Variants in TASP1 observed in about 807,000 individuals in gnomAD.
The protein encoded by TASP1 is threonine aspartase 1.
Under a neutral mutation model 56.6 loss-of-function variants are expected in TASP1, and 16 were observed. The ratio of observed to expected loss-of-function variants is 0.28; its 90% CI spans 0.19 to 0.43. The LOEUF is 0.43. Ranked by LOEUF, TASP1 falls within the 20% of genes least tolerant of loss-of-function variation. TASP1 has a pLI of 1.00. For synonymous variants in TASP1, 179 were observed against 184.2 expected (o/e 0.97, Z 0.23); for missense variants, 393 against 511.6 (o/e 0.77, Z 2.24).
At chr20:13,145,101 T>A in the TASP1 span, among the ~76,000 whole-genome samples, 1 of 151,980 alleles carries the variant, frequency 6.6e-6, no homozygotes. Flanking sequence ...GAAAAAAAAA[T>A]TCTAGAAACC....
At chr20:13,135,356 A>G in the TASP1 span, among the ~76,000 whole-genome samples, 1 of 152,210 alleles carries the variant, frequency 6.6e-6, no homozygotes, top group African/African-American at 2.4e-5. Context: ...TACTTAACTC[A>G]TGCTATAACA....
At chr20:13,513,699 T>G (rs2044422639) in intron 10 of TASP1, among the ~76,000 whole-genome samples, 1 of 152,122 alleles carries the variant, frequency 6.6e-6, no homozygotes, top group African/African-American at 2.4e-5. Flanking sequence ...GACAAACCTG[T>G]GCAATTCCCA....
At chr20:13,174,033 A>G in the TASP1 span, among the ~76,000 whole-genome samples, 3 of 152,174 alleles carry the variant, frequency 2.0e-5, no homozygotes, top group African/African-American at 7.2e-5. Flanking sequence ...AGCCACTAAA[A>G]ATAACAGTGT....
At chr20:13,213,414 CA>C in the TASP1 span, among the ~76,000 whole-genome samples, 1 of 151,580 alleles carries the variant, frequency 6.6e-6, no homozygotes, top group South Asian at 2.1e-4. Flanking sequence ...ACAAAGTGAA[CA>C]AAAAAAAGAA....
chr20:13,120,050 T>C, the TASP1 span, among the ~76,000 whole-genome samples: 1 of 152,254 alleles, frequency 6.6e-6, no homozygotes, highest in Admixed American at 6.5e-5. Flanking sequence ...AAGTCAAACA[T>C]ATATTTTATT....
At chr20:13,570,092 A>G (rs984703530) in intron 6 of TASP1, among the ~76,000 whole-genome samples, 1 of 152,098 alleles carries the variant, frequency 6.6e-6, no homozygotes, top group Admixed American at 6.5e-5. Flanking sequence ...ATACATACAT[A>G]ACCTTCAGAA....
chr20:13,617,235 A>G, intron 4 of TASP1: 1 of 232,004 alleles, frequency 4.3e-6, no homozygotes, highest in Non-Finnish European at 8.8e-6. Flanking sequence ...CAGGCAAAAT[A>G]GGGTCTTTGA....
chr20:13,240,978 C>A, the TASP1 span, among the ~76,000 whole-genome samples: 3 of 152,108 alleles, frequency 2.0e-5, no homozygotes, highest in East Asian at 5.8e-4. Flanking sequence ...GTGAAGTGGA[C>A]AGGGAGCTGA....
chr20:13,167,033 T>C, the TASP1 span: 1 of 152,182 alleles, frequency 6.6e-6, no homozygotes, highest in African/African-American at 2.4e-5. Context: ...AGAGTCCATG[T>C]TGAATATACA....
chr20:13,465,860 G>A (rs2044235127), intron 11 of TASP1, among the ~76,000 whole-genome samples: 1 of 152,056 alleles, frequency 6.6e-6, no homozygotes, highest in African/African-American at 2.4e-5. Flanking sequence ...TGATAGTCAG[G>A]TGATGTGGTT....
At chr20:13,305,666 A>G in the TASP1 span, among the ~76,000 whole-genome samples, 1 of 152,214 alleles carries the variant, frequency 6.6e-6, no homozygotes, top group African/African-American at 2.4e-5. Flanking sequence ...TAAGGCAGAA[A>G]GTTTACAGCC....
chr20:13,604,227 C>G (rs1240469361), intron 4 of TASP1, among the ~76,000 whole-genome samples: 1 of 152,136 alleles, frequency 6.6e-6, no homozygotes, highest in African/African-American at 2.4e-5. Flanking sequence ...TGACCTCCAA[C>G]GTTGGAGGTG....
At chr20:13,110,125 A>C in the TASP1 span, 17 of 1,612,120 alleles carry the variant, frequency 1.1e-5, no homozygotes, top group South Asian at 2.2e-5. Flanking sequence ...CACAAAGCCT[A>C]GAGAAGCTCC....
chr20:13,507,937 T>C (rs1405957373), intron 10 of TASP1, among the ~76,000 whole-genome samples: 1 of 152,066 alleles, frequency 6.6e-6, no homozygotes, highest in Non-Finnish European at 1.5e-5. Context: ...ACATACGCAG[T>C]CAACTAATCT....
chr20:13,523,783 G>A (rs1024729354), intron 10 of TASP1, among the ~76,000 whole-genome samples: 4 of 152,102 alleles, frequency 2.6e-5, no homozygotes, highest in African/African-American at 9.7e-5. Flanking sequence ...TGGCCTCACA[G>A]CAGAAACAAG....
chr20:13,240,801 G>A, the TASP1 span, among the ~76,000 whole-genome samples: 2 of 152,162 alleles, frequency 1.3e-5, no homozygotes, highest in African/African-American at 4.8e-5. Context: ...TTCTGAGACA[G>A]AGCCAACAGG....
At chr20:13,366,216 C>T in the TASP1 span, among the ~76,000 whole-genome samples, 1 of 152,094 alleles carries the variant, frequency 6.6e-6, no homozygotes, top group Non-Finnish European at 1.5e-5. Context: ...TCAGGCTGGA[C>T]ATTTGGGAGG....
rs192790957 is a variant in TASP1, at chr20:13,419,659, G to C, written c.1097-2138C>G. Among the ~76,000 whole-genome samples, 9 of 152,292 alleles carry C rather than the reference G, an allele frequency of 5.9e-5. No individual in the cohort carries two copies. In the East Asian group the frequency reaches 1.7e-3, roughly 29 times the overall value. On this transcript the variant is annotated intron_variant, in intron 12 of 13. Transcript: ENST00000337743. Reference sequence around the variant, plus strand: ...TTATATCTCTAAGCTAGTTAAGCCTGGAGACAAGTGTTTGAGTTGAGACCC... The same window carrying C: ...TTATATCTCTAAGCTAGTTAAGCCTCGAGACAAGTGTTTGAGTTGAGACCC...
chr20:13,294,038 G>A, the TASP1 span, among the ~76,000 whole-genome samples: 1 of 152,090 alleles, frequency 6.6e-6, no homozygotes, highest in East Asian at 1.9e-4. Context: ...GGGCAGTAGA[G>A]AATGGTAGGG....
Sources: gnomAD v4.1 joint callset for allele counts (sites outside exome capture counted in the v4.1 genomes callset) on GRCh38, gnomAD v4.1.1 for gene constraint, MANE v1.5 for transcripts, NCBI Gene and HGNC (gene_info 2026-07-23, HGNC 2026-07-21) for gene names.